ANKS6: variants seen among roughly 807,000 people sequenced by gnomAD.
ANKS6 encodes ankyrin repeat and SAM domain-containing protein 6.
In ANKS6, 47 loss-of-function variants were observed where a neutral mutation model predicts 77.9. The ratio of observed to expected loss-of-function variants is 0.60; its 90% CI spans 0.48 to 0.77. The LOEUF (loss-of-function observed/expected upper bound fraction) is 0.77, where lower values mean the gene tolerates loss of function less well. Ranked by LOEUF, ANKS6 falls within the 30% of genes least tolerant of loss-of-function variation. ANKS6 has a pLI of 0.00. For synonymous variants in ANKS6, 488 were observed against 501.7 expected (o/e 0.97, Z 0.37); for missense variants, 1,150 against 1,159.1 (o/e 0.99, Z 0.11).
Position 98,733,409 on chromosome 9 carries a change from A to G in ANKS6, c.*3110T>C, listed in dbSNP as rs1831311330. 3.0e-6 allele frequency: 3 copies of G among 985,300 alleles called. No individual in the cohort carries two copies. The highest frequency in any genetic ancestry group is 3.5e-5 in the African/African-American group (2 of 57,224). 61.0% of individuals were successfully genotyped at this position (985,300 alleles called of 1,614,324 possible). On this transcript the variant is annotated 3_prime_UTR_variant, in exon 15 of 15. Transcript: ENST00000353234. ...GAGCTCAGGGTGGAGCCTCAGCTCA[A>G]TGCCCTCAGGCTGGAGAGCTCTCAG...
intron 12 of ANKS6, among the ~76,000 whole-genome samples, chr9:98,753,399 T>G (rs1832530800): frequency 6.6e-6 from 1 of 152,210 alleles, no homozygotes; most frequent in Admixed American, 6.5e-5. Flanking sequence ...TTTTCTCAAT[T>G]TTTTGTGCTA....
rs545109958 is a variant in ANKS6, at chr9:98,791,046, T to C, written c.360-440A>G. 6.6e-6 allele frequency among the ~76,000 whole-genome samples: 1 copy of C among 152,342 alleles called. No homozygotes were observed. The highest frequency in any genetic ancestry group is 2.4e-5 in the African/African-American group (1 of 41,578). ...GTTACGTTATTCAACGTGCCAAGGG[T>C]TACCCGGCTGGTAAGGGGTGGCATC... On this transcript the variant is annotated intron_variant, in intron 1 of 14. Coordinates refer to ENST00000353234, the MANE Select transcript of ANKS6 (RefSeq NM_173551.5). The surrounding 1 kb of genome is among the most constrained non-coding windows in gnomAD (Gnocchi z 4.3).
rs965401569 is a variant in ANKS6, at chr9:98,756,564, T to C, written c.2182A>G (p.Thr728Ala). ...TSKRPPSGTS[T>A]TSKSTSPTLT... is the part of the protein sequence containing the mutation. ...GTTGGAGAGGTGCTCTTGGAGGTAGTGGAAGTTCCAGATGGAGGCCTTTTG... is the reference window on the plus strand; with the variant it reads ...GTTGGAGAGGTGCTCTTGGAGGTAGCGGAAGTTCCAGATGGAGGCCTTTTG... The change falls in exon 12 of 15, where the codon ACT (threonine) becomes GCT (alanine). Residue 728 changes from threonine to alanine, a missense_variant. Physicochemically the swap from Thr to Ala is moderately conservative, Grantham distance 58. Coordinates refer to ENST00000353234, the MANE Select transcript of ANKS6 (RefSeq NM_173551.5). 1 of 1,565,702 alleles carries C rather than the reference T, an allele frequency of 6.4e-7. No homozygotes were observed.
rs1831342933 is a variant in ANKS6, at chr9:98,733,912, C to T, written c.*2607G>A. 2 of 985,320 alleles carry T rather than the reference C, an allele frequency of 2.0e-6. No homozygotes were observed. Among genetic ancestry groups the T allele is most frequent in the African/African-American group, 1.7e-5 (1 of 57,288 alleles). The allele number at this position is 985,320 out of a possible 1,614,324, so 61.0% of individuals were successfully genotyped here. A position where few individuals can be genotyped will look rare whatever the true frequency, so the allele number is the denominator to read the frequency against. Reference sequence around the variant, plus strand: ...TTTTGGGAAATGCTGGTGAAGGTTGCCAAGCAAGGGAGGTGCTTCTTGTGG... The same window carrying T: ...TTTTGGGAAATGCTGGTGAAGGTTGTCAAGCAAGGGAGGTGCTTCTTGTGG... On this transcript the variant is annotated 3_prime_UTR_variant, in exon 15 of 15. Transcript: ENST00000353234.
At chr9:98,772,239 T>A (rs1407832781) in intron 9 of ANKS6, among the ~76,000 whole-genome samples, 1 of 152,188 alleles carries the variant, frequency 6.6e-6, no homozygotes, top group Admixed American at 6.5e-5. Context: ...ATCACATGTA[T>A]CTTTATAAGA....
rs150140057 is a variant in ANKS6 at position 98,789,867 on chromosome 9, T to C, written c.862+237A>G. The C allele has an allele frequency of 8.9e-4, 449 of 505,594 alleles. 1 individual carries two copies. Among genetic ancestry groups the C allele is most frequent in the African/African-American group, 7.8e-3 (412 of 52,848 alleles). 31.3% of individuals were successfully genotyped at this position (505,594 alleles called of 1,614,324 possible). ...GTGCTTGGGGAGAGCAGCCTTGTTA[T>C]AGAGGCTTCCAGGCTCTTGCCCAGG... On this transcript the variant is annotated intron_variant, in intron 2 of 14. Coordinates refer to ENST00000353234, the MANE Select transcript of ANKS6 (RefSeq NM_173551.5).
chr9:98,761,917 G>A lies in ANKS6; in HGVS notation c.2143-5314C>T, dbSNP rs1276276293. 2.0e-5 allele frequency among the ~76,000 whole-genome samples: 3 copies of A among 152,168 alleles called. No individual in the cohort carries two copies. In the East Asian group the frequency reaches 5.8e-4, roughly 29 times the overall value. On this transcript the variant is annotated intron_variant, in intron 11 of 14. Transcript: ENST00000353234. ...TACCTCAATATAAAATTTATAATCA[G>A]TTTCTAGATCTCTACAAAAAGAGCT...
rs138116480 is a variant in ANKS6 at position 98,749,070 on chromosome 9, A to C, written c.2394+1959T>G. 6.7e-4 allele frequency among the ~76,000 whole-genome samples: 102 copies of C among 152,264 alleles called. No homozygotes were observed. The East Asian group carries it at 9.5e-3, about 14-fold the overall frequency. ...CAGGGTTAAAACCTCAGTCCTACTA[A>C]AGCCTCCAAGGAAAACACTGGGTTG... On this transcript the variant is annotated intron_variant, in intron 13 of 14. Coordinates refer to ENST00000353234, the MANE Select transcript of ANKS6 (RefSeq NM_173551.5).
rs1444515640 is a variant in ANKS6, at chr9:98,732,596, T to A, written c.*3923A>T. 5 of 1,550,276 alleles carry A rather than the reference T, an allele frequency of 3.2e-6. No individual in the cohort carries two copies. In the South Asian group the frequency reaches 5.9e-5, roughly 18 times the overall value. ...GGAGAGAAGAAAGAGAGATGAGAGA[T>A]GAAAGGATTTAAAATGGGCAACCAT... On this transcript the variant is annotated 3_prime_UTR_variant, in exon 15 of 15. Coordinates refer to ENST00000353234, the MANE Select transcript of ANKS6 (RefSeq NM_173551.5).
intron 14 of ANKS6, among the ~76,000 whole-genome samples, chr9:98,742,798 G>A (rs142053190): frequency 8.4e-4 from 125 of 148,774 alleles, no homozygotes; most frequent in Non-Finnish European, 1.4e-3. Context: ...CACCTGATGG[G>A]GCCTGTTTAG....
rs1588399909 is a variant in ANKS6, at chr9:98,780,297, C to T, written c.1260G>A (p.Gln420=). ...TCGGCCGGCCTTTGTCTTTATTCAC[C>T]TGCATGCAGACAGATGCCAGCAGTC... ...LVRLLASVCM[Q]VNKDKGRPSH... The change falls in exon 6 of 15, where the codon CAG becomes CAA. Residue 420 remains glutamine, a synonymous_variant. Coordinates refer to ENST00000353234, the MANE Select transcript of ANKS6 (RefSeq NM_173551.5). 1.9e-6 allele frequency: 3 copies of T among 1,608,956 alleles called. No individual in the cohort carries two copies. Among genetic ancestry groups the T allele is most frequent in the Non-Finnish European group, 2.5e-6 (3 of 1,177,640 alleles).
intron 1 of ANKS6, among the ~76,000 whole-genome samples, chr9:98,794,345 G>A (rs551113639): frequency 1.3e-5 from 2 of 152,206 alleles, no homozygotes; most frequent in East Asian, 1.9e-4. Flanking sequence ...GATTCTGGGG[G>A]CGTATCCAGA....
chr9:98,795,202 C>T (rs931749821), intron 1 of ANKS6, among the ~76,000 whole-genome samples: 1 of 152,170 alleles, frequency 6.6e-6, no homozygotes. Context: ...TGTCTCCATT[C>T]TGGTCTAGGC....
intron 4 of ANKS6, chr9:98,783,748 T>G: frequency 2.4e-6 from 1 of 420,690 alleles, no homozygotes. Context: ...AATTCTGTGA[T>G]GGGGGAACAG....
At chr9:98,752,172 C>G (rs1042026965) in intron 12 of ANKS6, among the ~76,000 whole-genome samples, 5 of 152,204 alleles carry the variant, frequency 3.3e-5, no homozygotes, top group African/African-American at 9.7e-5. Flanking sequence ...AGGTAAATGA[C>G]AGCATTTCCA....
intron 5 of ANKS6, among the ~76,000 whole-genome samples, chr9:98,781,938 G>T (rs1162443313): frequency 6.6e-6 from 1 of 152,074 alleles, no homozygotes; most frequent in Non-Finnish European, 1.5e-5. Flanking sequence ...CCCAAAAGAG[G>T]GTCTGTCACA....
chr9:98,761,639 G>A (rs1041118208), intron 11 of ANKS6, among the ~76,000 whole-genome samples: 1 of 152,050 alleles, frequency 6.6e-6, no homozygotes, highest in African/African-American at 2.4e-5. Flanking sequence ...TTGCAATATG[G>A]ACATCCAATT....
rs1235549827 is a variant in ANKS6, at chr9:98,782,434, T to C, written c.1219+33A>G. ...GACTCCCAGTCCAAGAAACGCTGGG[T>C]AGATTTACAACCCTTTTCTTGAAAT... is the stretch of plus-strand genomic sequence containing the variant. On this transcript the variant is annotated intron_variant, in intron 5 of 14. Coordinates refer to ENST00000353234, the MANE Select transcript of ANKS6 (RefSeq NM_173551.5). The C allele has an allele frequency of 2.5e-6, 4 of 1,587,030 alleles. No homozygotes were observed. The South Asian group carries it at 3.3e-5, about 13-fold the overall frequency.
chr9:98,780,489 A>G, intron 5 of ANKS6, 152 bp from the exon 6 acceptor site: 1 of 972,416 alleles, frequency 1.0e-6, no homozygotes, highest in Non-Finnish European at 1.5e-6. Flanking sequence ...TCTCCATCTG[A>G]TCTTCAAAAG....
Sources: gnomAD v4.1 joint callset for allele counts (sites outside exome capture counted in the v4.1 genomes callset) on GRCh38, gnomAD v4.1.1 for gene constraint, Gnocchi (gnomAD v3.1) non-coding constraint, MANE v1.5 for transcripts, NCBI Gene and HGNC (gene_info 2026-07-23, HGNC 2026-07-21) for gene names.